Variants in LRP1B observed in about 807,000 individuals in gnomAD.
LRP1B encodes LDL receptor related protein 1B.
In LRP1B, 217 loss-of-function variants were observed where a neutral mutation model predicts 556.6. That is an observed-to-expected ratio of 0.39 (90% confidence interval 0.35 to 0.44). The LOEUF (loss-of-function observed/expected upper bound fraction) is 0.44. Among genes scored for constraint, LRP1B ranks in the 20% least tolerant of loss-of-function variants. LRP1B has a pLI of 1.00. For synonymous variants in LRP1B, 2,047 were observed against 1,865.8 expected (o/e 1.10, Z -2.50); for missense variants, 5,053 against 5,620.8 (o/e 0.90, Z 3.23).
intron 2 of LRP1B, among the ~76,000 whole-genome samples, chr2:141,608,246 A>C (rs1445558271): frequency 2.0e-5 from 3 of 152,130 alleles, no homozygotes; most frequent in Admixed American, 2.0e-4. Flanking sequence ...GAAAAGAAAT[A>C]ATTTGTTTAA....
chr2:141,213,967 A>G (rs904982158), intron 6 of LRP1B, among the ~76,000 whole-genome samples: 45 of 152,248 alleles, frequency 3.0e-4, no homozygotes, highest in African/African-American at 1.1e-3. Flanking sequence ...ATACTACCAA[A>G]TACAATGTAA....
chr2:142,033,824 T>G (rs1030593596), intron 1 of LRP1B, among the ~76,000 whole-genome samples: 1 of 151,800 alleles, frequency 6.6e-6, no homozygotes, highest in African/African-American at 2.4e-5. Context: ...TGTTCTATAA[T>G]AATAATTCTC....
chr2:140,831,010 G>A (rs971364727), intron 31 of LRP1B, among the ~76,000 whole-genome samples: 1 of 151,946 alleles, frequency 6.6e-6, no homozygotes, highest in Non-Finnish European at 1.5e-5. Flanking sequence ...AGAAATAAAA[G>A]ATCCCTACAA....
chr2:141,427,558 G>A (rs994318305), intron 3 of LRP1B, among the ~76,000 whole-genome samples: 8 of 152,112 alleles, frequency 5.3e-5, no homozygotes, highest in African/African-American at 1.9e-4. Flanking sequence ...GAAATGCAGG[G>A]ATACTCTCCA....
intron 41 of LRP1B, among the ~76,000 whole-genome samples, chr2:140,653,982 G>C (rs1684779302): frequency 7.9e-6 from 1 of 125,986 alleles, no homozygotes; most frequent in Non-Finnish European, 1.5e-5. Flanking sequence ...CCAAGATCCT[G>C]CCACTATACT....
At chr2:140,924,346 A>C (rs1211216584) in intron 20 of LRP1B, among the ~76,000 whole-genome samples, 1 of 152,116 alleles carries the variant, frequency 6.6e-6, no homozygotes, top group Admixed American at 6.6e-5. Context: ...GATATCTATA[A>C]AGGATTAATT....
chr2:141,624,760 ATTTAT>A (rs1688641432), intron 2 of LRP1B, among the ~76,000 whole-genome samples: 1 of 151,896 alleles, frequency 6.6e-6, no homozygotes, highest in Non-Finnish European at 1.5e-5. Context: ...TTATTTATGT[ATTTAT>A]TTATTTTTTA....
At chr2:140,355,173 T>C (rs1315096928) in intron 75 of LRP1B, among the ~76,000 whole-genome samples, 2 of 151,742 alleles carry the variant, frequency 1.3e-5, no homozygotes, top group Non-Finnish European at 2.9e-5. Flanking sequence ...TTAAGAAAAC[T>C]TTAATAATAT....
intron 7 of LRP1B, among the ~76,000 whole-genome samples, chr2:141,126,263 A>G (rs967319201): frequency 2.6e-5 from 4 of 151,784 alleles, no homozygotes; most frequent in South Asian, 2.1e-4. Flanking sequence ...CAAACTCCTC[A>G]CCTCAGGTGA....
At chr2:141,797,239 C>T (rs1201893858) in intron 2 of LRP1B, among the ~76,000 whole-genome samples, 1 of 135,636 alleles carries the variant, frequency 7.4e-6, no homozygotes, top group Non-Finnish European at 1.5e-5. Flanking sequence ...TCTGAAACTG[C>T]CTATGGACTT....
At chr2:140,951,597 C>T (rs1168548852) in intron 19 of LRP1B, among the ~76,000 whole-genome samples, 1 of 152,180 alleles carries the variant, frequency 6.6e-6, no homozygotes, top group African/African-American at 2.4e-5. Context: ...CACTTTACTA[C>T]ATGTTTGTAG....
intron 5 of LRP1B, among the ~76,000 whole-genome samples, chr2:141,236,884 GAAAAC>G: frequency 6.6e-6 from 1 of 152,272 alleles, no homozygotes; most frequent in East Asian, 1.9e-4. Flanking sequence ...ATTTCCCTAA[GAAAAC>G]CTCTTCTATG....
chr2:140,888,279 TAGAG>T (rs1180376302), intron 23 of LRP1B, among the ~76,000 whole-genome samples: 3 of 152,064 alleles, frequency 2.0e-5, no homozygotes, highest in African/African-American at 7.2e-5. Flanking sequence ...GTTAGTTGAA[TAGAG>T]AAACTATTAT....
chr2:141,044,114 C>T (rs970038168), intron 11 of LRP1B, among the ~76,000 whole-genome samples: 3 of 151,736 alleles, frequency 2.0e-5, no homozygotes, highest in South Asian at 2.1e-4. Flanking sequence ...GAAATAACGC[C>T]GCATATCTAC....
rs140134542 is a variant in LRP1B at position 140,603,296 on chromosome 2, C to G, written c.6800-1657G>C. On this transcript the variant is annotated intron_variant, in intron 41 of 90. Transcript: ENST00000389484. ...TCAGTTAAGCTAATTTTATGTGATG[C>G]ACATAGTTCTCCTATTTGGAGTGAG... is the stretch of plus-strand genomic sequence containing the variant. Among the ~76,000 whole-genome samples, 16 of 152,128 alleles carry G rather than the reference C, an allele frequency of 1.1e-4. No individual in the cohort carries two copies. The East Asian group carries it at 3.1e-3, about 29-fold the overall frequency.
chr2:141,043,652 T>C (rs908979732), intron 11 of LRP1B, among the ~76,000 whole-genome samples: 3 of 152,034 alleles, frequency 2.0e-5, no homozygotes, highest in Admixed American at 2.0e-4. Context: ...TTAACATTTC[T>C]TCTATTTAAA....
At chr2:141,075,989 G>C (rs1699775968) in intron 7 of LRP1B, among the ~76,000 whole-genome samples, 1 of 152,196 alleles carries the variant, frequency 6.6e-6, no homozygotes, top group Admixed American at 6.5e-5. Context: ...GGATTATACA[G>C]ATTAAATCCA....
chr2:141,560,678 T>C (rs1686114227), intron 2 of LRP1B, among the ~76,000 whole-genome samples: 2 of 151,680 alleles, frequency 1.3e-5, no homozygotes, highest in South Asian at 4.2e-4. Flanking sequence ...ACAAATTTGA[T>C]AAATTGTGGA....
At chr2:140,369,499 C>T (rs1415375948) in intron 71 of LRP1B, among the ~76,000 whole-genome samples, 1 of 151,796 alleles carries the variant, frequency 6.6e-6, no homozygotes, top group African/African-American at 2.4e-5. Context: ...TCTAGAGTGA[C>T]CAATTACAGA....
Sources: gnomAD v4.1 joint callset for allele counts (sites outside exome capture counted in the v4.1 genomes callset) on GRCh38, gnomAD v4.1.1 for gene constraint, MANE v1.5 for transcripts, NCBI Gene and HGNC (gene_info 2026-07-23, HGNC 2026-07-21) for gene names.